STX8: variants seen among roughly 807,000 people sequenced by gnomAD.
STX8 encodes the protein syntaxin 8.
STX8 carries 23 observed loss-of-function variants against 37.5 expected under a neutral mutation model. The observed-to-expected ratio is 0.61, with a 90% CI of 0.44 to 0.87. The LOEUF is 0.87. Among genes scored for constraint, STX8 ranks in the 40% least tolerant of loss-of-function variants. The pLI, the probability that STX8 is intolerant of heterozygous loss-of-function variation, is 0.00. For missense variants in STX8, 313 were observed against 284.7 expected (o/e 1.10, Z -0.71); for synonymous variants, 115 against 99.1 (o/e 1.16, Z -0.95).
rs186762811 is a variant in STX8, at chr17:9,260,027, G to A, written c.644-9382C>T. Among the ~76,000 whole-genome samples the A allele has an allele frequency of 1.6e-3, 241 of 151,988 alleles. 5 individuals are homozygous for A. The highest frequency in any genetic ancestry group is 5.2e-3 in the African/African-American group (217 of 41,452). ...GAGCCCAGGAGTTCAAGACTAGCCC[G>A]GGCAACATGGTGGAAACCTGTCTCT... On this transcript the variant is annotated intron_variant, in intron 7 of 7. Coordinates refer to ENST00000306357, the MANE Select transcript of STX8 (RefSeq NM_004853.3).
chr17:9,298,508 A>G (rs919185312), intron 7 of STX8, among the ~76,000 whole-genome samples: 1 of 151,802 alleles, frequency 6.6e-6, no homozygotes, highest in Admixed American at 6.6e-5. Flanking sequence ...CTGTTATTCC[A>G]CTTTAAAAAC....
At chr17:9,379,367 G>A (rs1911713838) in intron 6 of STX8, among the ~76,000 whole-genome samples, 1 of 152,006 alleles carries the variant, frequency 6.6e-6, no homozygotes, top group Non-Finnish European at 1.5e-5. Flanking sequence ...AGAGATGATG[G>A]AGAGAACCAA....
chr17:9,374,840 G>A (rs1296341570), intron 7 of STX8, among the ~76,000 whole-genome samples: 1 of 152,090 alleles, frequency 6.6e-6, no homozygotes, highest in East Asian at 1.9e-4. Context: ...AAGGTGGGCA[G>A]ATCACCTGAG....
At chr17:9,478,193 T>G (rs1906176155) in intron 6 of STX8, among the ~76,000 whole-genome samples, 1 of 152,196 alleles carries the variant, frequency 6.6e-6, no homozygotes. Context: ...TGGAGTGCAG[T>G]GGTGCAATCT....
chr17:9,314,484 G>A (rs762073058), intron 7 of STX8, among the ~76,000 whole-genome samples: 2 of 151,650 alleles, frequency 1.3e-5, no homozygotes, highest in Non-Finnish European at 2.9e-5. Flanking sequence ...TGCAAGCTCC[G>A]CCTCCCAGGT....
rs185482337 is a variant in STX8, at chr17:9,440,060, G to A, written c.541+51769C>T. On this transcript the variant is annotated intron_variant, in intron 6 of 7. Transcript: ENST00000306357. ...AATTTGCAGCCTAAATATAGTGGTGGCATAAAGTAGGTCATTTCCAGAACC... is the reference window on the plus strand; with the variant it reads ...AATTTGCAGCCTAAATATAGTGGTGACATAAAGTAGGTCATTTCCAGAACC... Among the ~76,000 whole-genome samples the A allele has an allele frequency of 1.8e-4, 27 of 152,242 alleles. No homozygotes were observed. In the East Asian group the frequency reaches 4.4e-3, roughly 25 times the overall value.
At chr17:9,520,208 A>T (rs1905294979) in intron 4 of STX8, among the ~76,000 whole-genome samples, 1 of 152,226 alleles carries the variant, frequency 6.6e-6, no homozygotes, top group African/African-American at 2.4e-5. Context: ...GAAGCATTTA[A>T]CATTTTTATC....
At chr17:9,287,812 C>T (rs1908134005) in intron 7 of STX8, among the ~76,000 whole-genome samples, 2 of 151,688 alleles carry the variant, frequency 1.3e-5, no homozygotes, top group South Asian at 4.2e-4. Flanking sequence ...AGTGAAGTGG[C>T]ACATCTCGGC....
At chr17:9,282,666 A>G (rs546617881) in intron 7 of STX8, among the ~76,000 whole-genome samples, 13 of 152,310 alleles carry the variant, frequency 8.5e-5, no homozygotes, top group African/African-American at 3.1e-4. Context: ...ACTCAGACTT[A>G]GCTATTCATC....
At chr17:9,459,031 A>C (rs1259349284) in intron 6 of STX8, among the ~76,000 whole-genome samples, 1 of 151,894 alleles carries the variant, frequency 6.6e-6, no homozygotes, top group Non-Finnish European at 1.5e-5. Flanking sequence ...ACAGGGTTTC[A>C]CCGTGTTAGC....
rs148276424 is a variant in STX8 at position 9,495,085 on chromosome 17, A to G, written c.449-3164T>C. ...ATATTTTTTCCAAGTCTTTTTATGGAATTAAATCATCAAACTTAGCTCTTT... is the reference window on the plus strand; with the variant it reads ...ATATTTTTTCCAAGTCTTTTTATGGGATTAAATCATCAAACTTAGCTCTTT... On this transcript the variant is annotated intron_variant, in intron 5 of 7. Coordinates refer to ENST00000306357, the MANE Select transcript of STX8 (RefSeq NM_004853.3). Among the ~76,000 whole-genome samples, 1,032 of 152,300 alleles carry G rather than the reference A, an allele frequency of 6.8e-3. 19 individuals are homozygous for G. Among genetic ancestry groups the G allele is most frequent in the African/African-American group, 0.024 (997 of 41,570 alleles).
At chr17:9,497,821 A>G (rs1392496771) in intron 5 of STX8, among the ~76,000 whole-genome samples, 1 of 152,218 alleles carries the variant, frequency 6.6e-6, no homozygotes, top group Non-Finnish European at 1.5e-5. Context: ...CGGAGCACCA[A>G]CATATTTAAA....
chr17:9,351,662 C>T (rs1036783295), intron 7 of STX8, among the ~76,000 whole-genome samples: 2 of 152,096 alleles, frequency 1.3e-5, no homozygotes, highest in African/African-American at 2.4e-5. Context: ...AAATCAGAAA[C>T]TGTATTTAGT....
chr17:9,527,405 C>A (rs1256446624), intron 4 of STX8, among the ~76,000 whole-genome samples: 1 of 151,890 alleles, frequency 6.6e-6, no homozygotes, highest in Non-Finnish European at 1.5e-5. Context: ...GATCTCACCA[C>A]TGCACTCCAG....
intron 4 of STX8, among the ~76,000 whole-genome samples, chr17:9,518,371 C>A (rs978315736): frequency 2.0e-5 from 3 of 152,140 alleles, no homozygotes; most frequent in Non-Finnish European, 4.4e-5. Flanking sequence ...TATTATCCCC[C>A]TTTCCATGAA....
intron 4 of STX8, among the ~76,000 whole-genome samples, chr17:9,541,370 C>G (rs1906269267): frequency 6.6e-6 from 1 of 152,116 alleles, no homozygotes; most frequent in South Asian, 2.1e-4. Context: ...CCTTCTAGAG[C>G]AATCAGGGGG....
chr17:9,258,360 C>T (rs1251232323), intron 7 of STX8, among the ~76,000 whole-genome samples: 2 of 152,204 alleles, frequency 1.3e-5, no homozygotes, highest in Non-Finnish European at 2.9e-5. Context: ...GAGTAGACGC[C>T]GTGCAGAGAA....
intron 2 of STX8, among the ~76,000 whole-genome samples, chr17:9,558,145 G>C (rs1397419853): frequency 6.6e-6 from 1 of 152,156 alleles, no homozygotes; most frequent in Non-Finnish European, 1.5e-5. Context: ...ACTCTAACCT[G>C]TTACATTAAA....
At chr17:9,370,365 A>C (rs1038156701) in intron 7 of STX8, among the ~76,000 whole-genome samples, 2 of 152,204 alleles carry the variant, frequency 1.3e-5, no homozygotes, top group Non-Finnish European at 2.9e-5. Flanking sequence ...TTTTAGAGTG[A>C]AGGGAACTGA....
Sources: allele counts gnomAD v4.1 joint callset (sites outside exome capture counted in the v4.1 genomes callset), GRCh38; gene constraint gnomAD v4.1.1; transcripts MANE v1.5; gene names NCBI Gene and HGNC (gene_info 2026-07-23, HGNC 2026-07-21).